The following TNPO3 variants were observed in gnomAD, a reference collection of about 807,000 sequenced individuals.
TNPO3 encodes the protein transportin 3.
TNPO3 carries 65 observed loss-of-function variants against 122.8 expected under a neutral mutation model. The observed-to-expected ratio is 0.53, with a 90% CI of 0.43 to 0.65. The LOEUF is 0.65. TNPO3 is among the 30% of genes least tolerant of loss of function. TNPO3 has a pLI of 0.00. For synonymous variants in TNPO3, 372 were observed against 411.2 expected, an observed-to-expected ratio of 0.90 and a Z score of 1.15; for missense variants, 850 against 1,136.7, an observed-to-expected ratio of 0.75 and a Z score of 3.63.
intron 1 of TNPO3, among the ~76,000 whole-genome samples, chr7:129,021,609 A>G (rs1054085519): frequency 1.3e-5 from 2 of 152,198 alleles, no homozygotes; most frequent in African/African-American, 2.4e-5. Flanking sequence ...AAATTCAGAA[A>G]AACTAATTTC....
At chr7:128,971,044 C>A in intron 19 of TNPO3, 1 of 147,716 alleles carries the variant, frequency 6.8e-6, no homozygotes, top group African/African-American at 2.5e-5. Flanking sequence ...CACAACAAAA[C>A]AAAACAAAAC....
At chr7:128,975,242 G>C (rs1434264949) in intron 17 of TNPO3, among the ~76,000 whole-genome samples, 1 of 152,182 alleles carries the variant, frequency 6.6e-6, no homozygotes, top group Non-Finnish European at 1.5e-5. Context: ...CAAAGTTTTA[G>C]AAATTTCTGA....
intron 21 of TNPO3, among the ~76,000 whole-genome samples, chr7:128,957,708 T>A (rs79546643): frequency 0.054 from 8,207 of 152,260 alleles, 759 homozygotes; most frequent in African/African-American, 0.19. Flanking sequence ...GTGAACAAAA[T>A]AGTATTCAAT....
At position 128,988,597 on chromosome 7, in the gene TNPO3, T is replaced by C. The variant is rs116551485; in HGVS notation, c.1498+1364A>G. On this transcript the variant is annotated intron_variant, in intron 11 of 22. Coordinates refer to ENST00000265388, the MANE Select transcript of TNPO3 (RefSeq NM_012470.4). Reference sequence around the variant, plus strand: ...CTGCAAGGTGGCACTGAATGATAAATCTTTTGATAAGAGTCTGCAAGTCAA... The same window carrying C: ...CTGCAAGGTGGCACTGAATGATAAACCTTTTGATAAGAGTCTGCAAGTCAA... 7.2e-3 allele frequency among the ~76,000 whole-genome samples: 1,104 copies of C among 152,276 alleles called. 20 individuals are homozygous for C. Among genetic ancestry groups the C allele is most frequent in the African/African-American group, 0.025 (1,040 of 41,550 alleles).
intron 16 of TNPO3, among the ~76,000 whole-genome samples, chr7:128,978,186 T>C (rs1799266217): frequency 6.6e-6 from 1 of 152,242 alleles, no homozygotes; most frequent in Non-Finnish European, 1.5e-5. Flanking sequence ...GACTTAAGCA[T>C]AGGCATCTCA....
At position 128,980,941 on chromosome 7, in the gene TNPO3, G is replaced by T. The variant is rs890013050; in HGVS notation, c.1860-910C>A. Among the ~76,000 whole-genome samples the T allele has an allele frequency of 2.6e-5, 4 of 151,836 alleles. No homozygotes were observed. In the East Asian group the frequency reaches 7.7e-4, roughly 29 times the overall value. On this transcript the variant is annotated intron_variant, in intron 14 of 22. Coordinates refer to ENST00000265388, the MANE Select transcript of TNPO3 (RefSeq NM_012470.4). The stretch of plus-strand genomic sequence containing the variant: ...CAGTCAAATACAACTCCTCTGTCTA[G>T]TTCGATAGCTCACAATTTGAAGAAA...
chr7:129,049,576 T>C (rs749520910), intron 1 of TNPO3, among the ~76,000 whole-genome samples: 3 of 152,230 alleles, frequency 2.0e-5, no homozygotes, highest in Non-Finnish European at 4.4e-5. Flanking sequence ...GGGACTTCTG[T>C]TTAAAATGAC....
intron 1 of TNPO3, among the ~76,000 whole-genome samples, chr7:129,023,422 C>T (rs1308583159): frequency 1.3e-5 from 2 of 151,616 alleles, no homozygotes; most frequent in African/African-American, 4.8e-5. Flanking sequence ...CACTGAAAGC[C>T]CTAAACATAC....
At position 129,018,139 on chromosome 7, in the gene TNPO3, A is replaced by C; in HGVS notation, c.139T>G (p.Ser47Ala). The C allele has an allele frequency of 6.2e-7, 1 of 1,614,212 alleles. No individual in the cohort carries two copies. The highest frequency in any genetic ancestry group is 2.2e-5 in the East Asian group (1 of 44,878). ...TGCCGGATCTGTAACAACTGGTCTG[A>C]GATCTCCCATGCATGAACCTGAAAG... is the stretch of plus-strand genomic sequence containing the variant. The part of the protein sequence containing the change: ...LQRSVHAWEI[S>A]DQLLQIRQDV... Residue 47 changes from serine to alanine, a missense_variant, in exon 2 of 23, where the codon TCA becomes GCA. Physicochemically the swap from Ser to Ala is moderately conservative, Grantham distance 99. Coordinates refer to ENST00000265388, the MANE Select transcript of TNPO3 (RefSeq NM_012470.4).
At chr7:129,022,157 G>A (rs527893598) in intron 1 of TNPO3, among the ~76,000 whole-genome samples, 1 of 152,232 alleles carries the variant, frequency 6.6e-6, no homozygotes, top group African/African-American at 2.4e-5. Flanking sequence ...GGTGGAGGTG[G>A]GAGGCTTACT....
chr7:129,022,260 C>T (rs1000583004), intron 1 of TNPO3, among the ~76,000 whole-genome samples: 2 of 151,916 alleles, frequency 1.3e-5, no homozygotes, highest in Admixed American at 6.6e-5. Flanking sequence ...TGGTATGTGC[C>T]TGTAGTCCTA....
At chr7:128,962,827 C>T (rs957922461) in intron 21 of TNPO3, among the ~76,000 whole-genome samples, 19 of 151,804 alleles carry the variant, frequency 1.3e-4, no homozygotes, top group African/African-American at 4.3e-4. Flanking sequence ...TTTTTTTCCC[C>T]CACAGCACTG....
intron 18 of TNPO3, among the ~76,000 whole-genome samples, chr7:128,973,773 GGT>G (rs1798749064): frequency 8.0e-6 from 1 of 125,332 alleles, no homozygotes; most frequent in African/African-American, 3.0e-5. Flanking sequence ...GAAAACAGAG[GGT>G]GACAGCCCAT....
chr7:129,023,154 G>A (rs1804731896), intron 1 of TNPO3, among the ~76,000 whole-genome samples: 1 of 152,106 alleles, frequency 6.6e-6, no homozygotes, highest in African/African-American at 2.4e-5. Context: ...AAGATACTCT[G>A]TCACCTTCTG....
In TNPO3 at chr7:129,053,672, A is replaced by G. The variant is rs953579110; in HGVS notation, c.120+979T>C. The stretch of plus-strand genomic sequence containing the variant: ...TAAAGGGAAGGGGGCCAAAAAAAAT[A>G]TGGTTGTGAGTATAAAATGCAAAAA... On this transcript the variant is annotated intron_variant, in intron 1 of 22. Coordinates refer to ENST00000265388, the MANE Select transcript of TNPO3 (RefSeq NM_012470.4). Among the ~76,000 whole-genome samples, 3 of 152,276 alleles carry G rather than the reference A, an allele frequency of 2.0e-5. 1 individual carries two copies. The highest frequency in any genetic ancestry group is 4.1e-4 in the South Asian group (2 of 4,832).
chr7:128,989,985 C>T lies in TNPO3; in HGVS notation c.1474G>A (p.Val492Ile), dbSNP rs758997411. 27 of 1,614,062 alleles carry T rather than the reference C, an allele frequency of 1.7e-5. No homozygotes were observed. The highest frequency in any genetic ancestry group is 2.0e-5 in the Non-Finnish European group (24 of 1,180,002). The change falls in exon 11 of 23, where the codon GTT (valine) becomes ATT (isoleucine). Residue 492 changes from valine (V) to isoleucine (I), a missense_variant. Physicochemically the swap from Val to Ile is conservative, Grantham distance 29. Transcript: ENST00000265388. ...CCAAGGAACTGAGGATTTCGATCAACGACTTCACTCATCTCTCCAACCAAT... is the reference window on the plus strand; with the variant it reads ...CCAAGGAACTGAGGATTTCGATCAATGACTTCACTCATCTCTCCAACCAAT... ...IELVGEMSEV[V>I]DRNPQFLDPV...
rs529600226 is a variant in TNPO3, at chr7:128,997,368, G to A, written c.1158+21C>T. The A allele has an allele frequency of 3.1e-6, 5 of 1,610,220 alleles. No homozygotes were observed. The Admixed American group carries it at 5.1e-5, about 16-fold the overall frequency. ...CAAGAGGAAGAAATTAAGATTTGAA[G>A]AGGTAGAGAAGGGAACTTACATGGT... On this transcript the variant is annotated intron_variant, in intron 8 of 22. Transcript: ENST00000265388.
chr7:128,972,821 C>T (rs916508452), intron 18 of TNPO3, among the ~76,000 whole-genome samples: 3 of 151,896 alleles, frequency 2.0e-5, no homozygotes, highest in African/African-American at 7.3e-5. Context: ...AGAATGTACA[C>T]CAAGAGTGAA....
chr7:129,005,303 T>C (rs1802445031), intron 4 of TNPO3, 144 bp from the exon 5 acceptor site: 1 of 734,548 alleles, frequency 1.4e-6, no homozygotes, highest in Non-Finnish European at 2.0e-6. Context: ...TAAGTGTCAC[T>C]GTTTTTTTTT....
Sources: gnomAD v4.1 joint callset for allele counts (sites outside exome capture counted in the v4.1 genomes callset) on GRCh38, gnomAD v4.1.1 for gene constraint, MANE v1.5 for transcripts, NCBI Gene and HGNC (gene_info 2026-07-23, HGNC 2026-07-21) for gene names.